LGSN: variants seen among roughly 807,000 people sequenced by gnomAD.
LGSN encodes lengsin.
In LGSN, 21 loss-of-function variants were observed where a neutral mutation model predicts 19.5. The observed-to-expected ratio is 1.07, with a 90% CI of 0.76 to 1.55. The LOEUF is 1.55. Among genes scored for constraint, LGSN ranks in the 40% most tolerant of loss-of-function variants. The pLI is 0.00. For missense variants in LGSN, 673 were observed against 608.5 expected, an observed-to-expected ratio of 1.11 and a Z score of -1.12; for synonymous variants, 257 against 215.6, an observed-to-expected ratio of 1.19 and a Z score of -1.68.
the LGSN span, among the ~76,000 whole-genome samples, chr6:63,472,872 C>A: frequency 6.6e-6 from 1 of 151,860 alleles, no homozygotes; most frequent in Admixed American, 6.6e-5. Context: ...ACCCAGGAGG[C>A]GGAGCTTGCA....
chr6:63,571,673 A>G, the LGSN span: 1 of 152,264 alleles, frequency 6.6e-6, no homozygotes, highest in Non-Finnish European at 1.5e-5. Context: ...TCAAGTGAGC[A>G]GCAGTACAAA....
At chr6:63,381,220 T>A in the LGSN span, among the ~76,000 whole-genome samples, 271 of 152,136 alleles carry the variant, frequency 1.8e-3, 1 homozygote, top group African/African-American at 6.3e-3. Flanking sequence ...AAGAAAAAAA[T>A]TTGAGAGACA....
chr6:63,508,778 G>A, the LGSN span, among the ~76,000 whole-genome samples: 1 of 151,658 alleles, frequency 6.6e-6, no homozygotes, highest in African/African-American at 2.4e-5. Flanking sequence ...AATTAGGCGG[G>A]CGTGGTGGTG....
chr6:63,485,756 T>C, the LGSN span, among the ~76,000 whole-genome samples: 2 of 152,086 alleles, frequency 1.3e-5, no homozygotes, highest in Non-Finnish European at 2.9e-5. Context: ...TGAGACAGAG[T>C]CTCACTCTGT....
At chr6:63,343,105 C>T in the LGSN span, among the ~76,000 whole-genome samples, 1 of 152,052 alleles carries the variant, frequency 6.6e-6, no homozygotes, top group Non-Finnish European at 1.5e-5. Context: ...TAATGACTTG[C>T]CTATTCATAT....
intron 1 of LGSN, among the ~76,000 whole-genome samples, chr6:63,308,342 A>G (rs891499017): frequency 6.6e-6 from 1 of 152,134 alleles, no homozygotes; most frequent in Non-Finnish European, 1.5e-5. Context: ...CATTTTCATA[A>G]TTCATGTTTT....
chr6:63,333,409 CA>C, the LGSN span, among the ~76,000 whole-genome samples: 2 of 142,846 alleles, frequency 1.4e-5, no homozygotes, highest in Non-Finnish European at 3.0e-5. Flanking sequence ...ACCCTGGCAC[CA>C]AAACCAGGCA....
At chr6:63,531,591 G>T in the LGSN span, among the ~76,000 whole-genome samples, 1 of 149,838 alleles carries the variant, frequency 6.7e-6, no homozygotes, top group African/African-American at 2.5e-5. Context: ...CTGGACTCAG[G>T]CAATCTTCCT....
At chr6:63,493,370 G>A in the LGSN span, among the ~76,000 whole-genome samples, 921 of 152,294 alleles carry the variant, frequency 6.0e-3, 8 homozygotes, top group South Asian at 0.025. Flanking sequence ...TCAGCTTATA[G>A]GTGACAAAAG....
chr6:63,389,500 C>T, the LGSN span, among the ~76,000 whole-genome samples: 3 of 152,206 alleles, frequency 2.0e-5, no homozygotes, highest in East Asian at 3.8e-4. Flanking sequence ...AAATCTAGCA[C>T]AATCTGATAA....
chr6:63,429,489 A>G, the LGSN span, among the ~76,000 whole-genome samples: 1 of 152,260 alleles, frequency 6.6e-6, no homozygotes, highest in Non-Finnish European at 1.5e-5. Flanking sequence ...TAATCCCAGC[A>G]CTTTGGGAGG....
At chr6:63,465,026 CAA>C in the LGSN span, among the ~76,000 whole-genome samples, 25 of 123,714 alleles carry the variant, frequency 2.0e-4, no homozygotes, top group African/African-American at 6.7e-4. Context: ...GATTCTGTCT[CAA>C]AAAAAAAAAA....
the LGSN span, among the ~76,000 whole-genome samples, chr6:63,468,968 C>G: frequency 0.059 from 8,950 of 151,976 alleles, 374 homozygotes; most frequent in East Asian, 0.17. Flanking sequence ...AGGCTAGTCT[C>G]GAATCCTGAC....
At chr6:63,338,669 T>TA in the LGSN span, among the ~76,000 whole-genome samples, 8 of 152,152 alleles carry the variant, frequency 5.3e-5, no homozygotes, top group African/African-American at 1.7e-4. Context: ...ATCCTTTTCT[T>TA]AGTCTCTATT....
At chr6:63,498,080 G>T in the LGSN span, among the ~76,000 whole-genome samples, 1 of 151,544 alleles carries the variant, frequency 6.6e-6, no homozygotes, top group Non-Finnish European at 1.5e-5. Flanking sequence ...CACTACACCC[G>T]GCTAATTTTG....
At chr6:63,412,286 GAACCC>G in the LGSN span, among the ~76,000 whole-genome samples, 3 of 151,530 alleles carry the variant, frequency 2.0e-5, no homozygotes, top group African/African-American at 7.3e-5. Context: ...AGAATCACTT[GAACCC>G]AGGAGGCGGA....
chr6:63,466,978 T>C, the LGSN span, among the ~76,000 whole-genome samples: 1 of 152,048 alleles, frequency 6.6e-6, no homozygotes, highest in Admixed American at 6.6e-5. Flanking sequence ...TAAATCAGCA[T>C]ATATAAAACC....
the LGSN span, among the ~76,000 whole-genome samples, chr6:63,365,282 A>T: frequency 6.6e-6 from 1 of 152,250 alleles, no homozygotes; most frequent in South Asian, 2.1e-4. Flanking sequence ...AGAAATACAT[A>T]CTACCATCAG....
At chr6:63,367,955 G>T in the LGSN span, among the ~76,000 whole-genome samples, 925 of 151,850 alleles carry the variant, frequency 6.1e-3, 6 homozygotes, top group African/African-American at 0.02. Flanking sequence ...GTGGGGGAAG[G>T]GGGGAGGGAT....
Sources: allele counts gnomAD v4.1 joint callset (sites outside exome capture counted in the v4.1 genomes callset), GRCh38; gene constraint gnomAD v4.1.1; transcripts MANE v1.5; gene names NCBI Gene and HGNC (gene_info 2026-07-23, HGNC 2026-07-21).